DMD: variants seen among roughly 807,000 people sequenced by gnomAD.
DMD encodes the protein dystrophin, also known as mutant dystrophin.
DMD carries 63 observed loss-of-function variants against 330.1 expected under a neutral mutation model. The observed-to-expected ratio is 0.19, with a 90% confidence interval of 0.16 to 0.24. The LOEUF (loss-of-function observed/expected upper bound fraction) is 0.24, where lower values mean the gene tolerates loss of function less well. Among genes scored for constraint, DMD ranks in the 10% least tolerant of loss-of-function variants. The pLI is 1.00. For synonymous variants in DMD, 1,223 were observed against 959.8 expected, an observed-to-expected ratio of 1.27 and a Z score of -5.07; for missense variants, 3,344 against 2,684.1, an observed-to-expected ratio of 1.25 and a Z score of -5.43.
At chrX:31,178,504 A>G in intron 70 of DMD, 165 bp downstream of exon 70, 1 of 1,001,940 alleles carries the variant, frequency 1.0e-6, no homozygotes. Context: ...TGACGTGGGA[A>G]AGTGGCAACT....
intron 2 of DMD, among the ~76,000 whole-genome samples, chrX:32,968,902 G>A (rs2092270226): frequency 9.4e-6 from 1 of 105,920 alleles, no homozygotes; most frequent in African/African-American, 3.4e-5. Flanking sequence ...GGTGGTGGGT[G>A]CCTATAATCC....
chrX:32,678,224 G>A (rs1278913102), intron 9 of DMD, among the ~76,000 whole-genome samples: 1 of 112,216 alleles, frequency 8.9e-6, no homozygotes, highest in Non-Finnish European at 1.9e-5. Context: ...ACTTAAAATG[G>A]TTATTTGATA....
At chrX:32,730,899 G>A (rs1047758690) in intron 7 of DMD, among the ~76,000 whole-genome samples, 8 of 111,768 alleles carry the variant, frequency 7.2e-5, no homozygotes, top group African/African-American at 2.6e-4. Context: ...TCTGATTTGA[G>A]AGGAGGAGCC....
At chrX:31,353,669 A>G (rs1249692650) in intron 60 of DMD, among the ~76,000 whole-genome samples, 1 of 111,838 alleles carries the variant, frequency 8.9e-6, no homozygotes, top group African/African-American at 3.3e-5. Flanking sequence ...GTATGTATGA[A>G]TTCATTTGGA....
chrX:32,304,442 A>G (rs2097533696), intron 42 of DMD, among the ~76,000 whole-genome samples: 2 of 110,915 alleles, frequency 1.8e-5, no homozygotes, highest in South Asian at 7.5e-4. Context: ...GTTGGGGATA[A>G]AGAATGGATA....
intron 47 of DMD, among the ~76,000 whole-genome samples, chrX:31,916,604 A>C (rs750848156): frequency 1.8e-5 from 2 of 111,861 alleles, no homozygotes; most frequent in East Asian, 5.6e-4. Flanking sequence ...TTTTTTGGCC[A>C]CTTACTCTGT....
intron 44 of DMD, among the ~76,000 whole-genome samples, chrX:32,059,288 A>G (rs932826876): frequency 3.6e-5 from 4 of 111,753 alleles, no homozygotes; most frequent in Non-Finnish European, 3.8e-5. Flanking sequence ...ATCTTTTTCA[A>G]CACATACAAT....
intron 13 of DMD, among the ~76,000 whole-genome samples, chrX:32,574,896 C>T (rs1408754972): frequency 1.1e-5 from 1 of 92,158 alleles, no homozygotes; most frequent in Non-Finnish European, 2.1e-5. Context: ...AAATAATCCA[C>T]CTATTTTTTT....
At chrX:32,684,540 A>G (rs1248289157) in intron 9 of DMD, among the ~76,000 whole-genome samples, 1 of 111,620 alleles carries the variant, frequency 9.0e-6, no homozygotes, top group Non-Finnish European at 1.9e-5. Context: ...TTAAAAAATT[A>G]TGCACCAGAA....
In DMD at chrX:32,360,641, G is replaced by C. The variant is rs1040393083; in HGVS notation, c.5325+2147C>G. On this transcript the variant is annotated intron_variant, in intron 37 of 78. Coordinates refer to ENST00000357033, the MANE Select transcript of DMD (RefSeq NM_004006.3). Reference sequence around the variant, plus strand: ...CGTCTCTGCCAAAATACAAAAATTAGCCAGGTGTCACGGCGCCCGCCCGTA... The same window carrying C: ...CGTCTCTGCCAAAATACAAAAATTACCCAGGTGTCACGGCGCCCGCCCGTA... Among the ~76,000 whole-genome samples, 3 of 108,594 alleles carry C rather than the reference G, an allele frequency of 2.8e-5. No individual in the cohort carries two copies. The East Asian group carries it at 8.7e-4, about 31-fold the overall frequency. The allele number at this position is 108,594 out of a possible 115,157, so 94.3% of individuals were successfully genotyped here. A position where few individuals can be genotyped will look rare whatever the true frequency, so the allele number is the denominator to read the frequency against.
At chrX:31,732,133 C>T (rs1228684175) in intron 51 of DMD, among the ~76,000 whole-genome samples, 2 of 109,949 alleles carry the variant, frequency 1.8e-5, no homozygotes, top group Non-Finnish European at 3.8e-5. Flanking sequence ...TTGAAGCAGC[C>T]TCCTTAAAAA....
intron 44 of DMD, among the ~76,000 whole-genome samples, chrX:32,186,134 T>C (rs1225359801): frequency 9.0e-6 from 1 of 111,222 alleles, no homozygotes; most frequent in Admixed American, 9.6e-5. Flanking sequence ...AATAATTTTT[T>C]AATTAAAAGG....
At chrX:31,375,916 T>C (rs2059861832) in intron 60 of DMD, among the ~76,000 whole-genome samples, 1 of 112,166 alleles carries the variant, frequency 8.9e-6, no homozygotes, top group Non-Finnish European at 1.9e-5. Flanking sequence ...ATTGATTCCA[T>C]TTAATTGATT....
At position 32,903,144 on chromosome X, in the gene DMD, C is replaced by CAAAAAAAAAA. The variant is rs34973696; in HGVS notation, c.94-53334_94-53325dup. On this transcript the variant is annotated intron_variant, in intron 2 of 78. Transcript: ENST00000357033. Reference sequence around the variant, plus strand: ...TGGGCGACAGAGTGAGACTCAGTCTCAAAAAAAAAAAAAAAAAAAAAGAAA... The same window carrying CAAAAAAAAAA: ...TGGGCGACAGAGTGAGACTCAGTCTCAAAAAAAAAAAAAAAAAAAAAAAAAAAAAAAGAAA... 2.1e-4 allele frequency among the ~76,000 whole-genome samples: 7 copies of CAAAAAAAAAA among 32,981 alleles called. No individual in the cohort carries two copies. The East Asian group carries it at 5.5e-3, about 26-fold the overall frequency. The allele number at this position is 32,981 out of a possible 115,157, so 28.6% of individuals were successfully genotyped here. A position where few individuals can be genotyped will look rare whatever the true frequency, so the allele number is the denominator to read the frequency against.
At chrX:32,244,373 G>T (rs1275981236) in intron 43 of DMD, among the ~76,000 whole-genome samples, 1 of 87,389 alleles carries the variant, frequency 1.1e-5, no homozygotes, top group Non-Finnish European at 2.2e-5. Flanking sequence ...TTGGACATTT[G>T]GGTTGGTTCC....
intron 2 of DMD, among the ~76,000 whole-genome samples, chrX:32,953,633 A>C (rs1469878763): frequency 1.2e-4 from 14 of 112,027 alleles, no homozygotes; most frequent in Non-Finnish European, 3.8e-5. Context: ...TCAATACAGA[A>C]ATATTCACTA....
chrX:32,401,336 A>AT (rs2098084988), intron 30 of DMD, among the ~76,000 whole-genome samples: 1 of 111,387 alleles, frequency 9.0e-6, no homozygotes, highest in Non-Finnish European at 1.9e-5. Flanking sequence ...TATAATAATA[A>AT]AAAAAAGAAA....
intron 9 of DMD, among the ~76,000 whole-genome samples, chrX:32,684,018 TACAC>T (rs369735561): frequency 0.017 from 1,170 of 70,867 alleles, 8 homozygotes; most frequent in South Asian, 0.022. Flanking sequence ...CACACATACA[TACAC>T]ACACACACAC....
chrX:32,591,377 TG>T (rs1005035917), intron 13 of DMD, among the ~76,000 whole-genome samples: 2 of 112,155 alleles, frequency 1.8e-5, no homozygotes, highest in Non-Finnish European at 3.8e-5. Context: ...GCTTTTTCTT[TG>T]GAAGACATTT....
Sources: gnomAD v4.1 joint callset for allele counts (sites outside exome capture counted in the v4.1 genomes callset) on GRCh38, gnomAD v4.1.1 for gene constraint, MANE v1.5 for transcripts, NCBI Gene and HGNC (gene_info 2026-07-23, HGNC 2026-07-21) for gene names.